The following LMAN2L variants were observed in gnomAD, a reference collection of about 807,000 sequenced individuals.
LMAN2L encodes the protein VIP36-like protein.
In LMAN2L, 30 loss-of-function variants were observed where a neutral mutation model predicts 44.3. That is an observed-to-expected ratio of 0.68 (90% CI 0.51 to 0.92). The LOEUF (loss-of-function observed/expected upper bound fraction) is 0.92. Among genes scored for constraint, LMAN2L ranks in the 40% least tolerant of loss-of-function variants. LMAN2L has a pLI of 0.00. For missense variants in LMAN2L, 429 were observed against 446.1 expected, an observed-to-expected ratio of 0.96 and a Z score of 0.35; for synonymous variants, 183 against 171.1, an observed-to-expected ratio of 1.07 and a Z score of -0.54.
At position 96,707,081 on chromosome 2, in the gene LMAN2L, C is replaced by A; in HGVS notation, c.*175G>T. On this transcript the variant is annotated 3_prime_UTR_variant, in exon 8 of 8. Coordinates refer to ENST00000264963, the MANE Select transcript of LMAN2L (RefSeq NM_030805.4). The stretch of plus-strand genomic sequence containing the variant: ...GCTTCCCAGACCAGAGTTAGATGTC[C>A]CCATGCACAACCATGGGAATGCGGG... 1 of 577,786 alleles carries A rather than the reference C, an allele frequency of 1.7e-6. No individual in the cohort carries two copies. Among genetic ancestry groups the A allele is most frequent in the East Asian group, 3.0e-5 (1 of 32,896 alleles). The allele number at this position is 577,786 out of a possible 1,614,324, so 35.8% of individuals were successfully genotyped here. A position where few individuals can be genotyped will look rare whatever the true frequency, so the allele number is the denominator to read the frequency against.
chr2:96,730,857 T>C (rs560051708), intron 4 of LMAN2L, among the ~76,000 whole-genome samples: 10 of 152,294 alleles, frequency 6.6e-5, no homozygotes, highest in African/African-American at 1.4e-4. Context: ...GTATTTTTAG[T>C]AGAGACGGGG....
chr2:96,715,930 C>T (rs1467174831), intron 4 of LMAN2L, among the ~76,000 whole-genome samples: 2 of 152,162 alleles, frequency 1.3e-5, no homozygotes, highest in Admixed American at 6.5e-5. Flanking sequence ...ACAAAGCTCA[C>T]AGGGTTCATT....
chr2:96,736,877 T>C (rs771912005), intron 2 of LMAN2L, among the ~76,000 whole-genome samples: 6 of 152,218 alleles, frequency 3.9e-5, no homozygotes, highest in Non-Finnish European at 5.9e-5. Flanking sequence ...CTCGGCACTA[T>C]GATCTAGGTT....
chr2:96,710,035 TC>T (rs1453127598), intron 6 of LMAN2L, among the ~76,000 whole-genome samples: 2 of 152,228 alleles, frequency 1.3e-5, no homozygotes, highest in African/African-American at 4.8e-5. Context: ...AGCCTATGCC[TC>T]CTATCCCCCT....
Position 96,726,769 on chromosome 2 carries a change from G to C in LMAN2L, c.507+6750C>G, listed in dbSNP as rs965491406. 3.3e-5 allele frequency among the ~76,000 whole-genome samples: 5 copies of C among 151,330 alleles called. No homozygotes were observed. The East Asian group carries it at 9.8e-4, about 30-fold the overall frequency. The stretch of plus-strand genomic sequence containing the variant: ...ACTGCACTCCAGCCTGGGTGACAGA[G>C]CAAGATTCTGTCTCAAAAAAAATAA... On this transcript the variant is annotated intron_variant, in intron 4 of 7. Coordinates refer to ENST00000264963, the MANE Select transcript of LMAN2L (RefSeq NM_030805.4).
intron 6 of LMAN2L, 24 bp from the exon 7 acceptor site, chr2:96,707,857 G>T: frequency 1.2e-6 from 2 of 1,611,576 alleles, no homozygotes; most frequent in South Asian, 2.2e-5. Context: ...GAAGAAGGAT[G>T]ACTTGTGCCA....
intron 4 of LMAN2L, among the ~76,000 whole-genome samples, chr2:96,725,224 C>G (rs1440701940): frequency 6.6e-6 from 1 of 151,898 alleles, no homozygotes. Context: ...TCCCAAAATC[C>G]CTCCCCTGTT....
intron 4 of LMAN2L, among the ~76,000 whole-genome samples, chr2:96,717,535 A>T (rs1394700481): frequency 1.7e-5 from 1 of 59,782 alleles, no homozygotes; most frequent in Admixed American, 1.2e-4. Context: ...CTGTGTCGGA[A>T]AAAAAAAAAA....
chr2:96,724,723 T>C (rs1305262413), intron 4 of LMAN2L, among the ~76,000 whole-genome samples: 1 of 152,194 alleles, frequency 6.6e-6, no homozygotes, highest in Non-Finnish European at 1.5e-5. Flanking sequence ...CTCAGCTCAC[T>C]GTAGCCTCCG....
chr2:96,737,030 G>C (rs1042189064), intron 2 of LMAN2L: 1 of 386,086 alleles, frequency 2.6e-6, no homozygotes, highest in African/African-American at 2.2e-5. Context: ...CTTAGTTTAA[G>C]AGAATTCCAG....
intron 1 of LMAN2L, among the ~76,000 whole-genome samples, chr2:96,738,876 G>C (rs1463215444): frequency 6.6e-6 from 1 of 152,018 alleles, no homozygotes; most frequent in East Asian, 1.9e-4. Context: ...GAGTAGCTGG[G>C]ACTACAGGCG....
rs1040109527 is a variant in LMAN2L, at chr2:96,711,662, G to A, written c.778C>T (p.Leu260Phe). ...AGAGTGCGCGTGGCAGTACCTGAGAGATCCCCAGTGATGGAGGAGGTGCCG... is the reference window on the plus strand; with the variant it reads ...AGAGTGCGCGTGGCAGTACCTGAGAAATCCCCAGTGATGGAGGAGGTGCCG... ...YFGTSSITGD[L>F]SDNHDVISLK... The change falls in exon 6 of 8, where the codon CTC becomes TTC. Residue 260 changes from leucine to phenylalanine, a missense_variant. Physicochemically the swap from Leu to Phe is conservative, Grantham distance 22. Transcript: ENST00000264963. The A allele has an allele frequency of 1.2e-6, 2 of 1,611,170 alleles. No homozygotes were observed. Among genetic ancestry groups the A allele is most frequent in the Non-Finnish European group, 1.7e-6 (2 of 1,177,950 alleles).
Position 96,707,163 on chromosome 2 carries a change from C to T in LMAN2L, c.*93G>A. On this transcript the variant is annotated 3_prime_UTR_variant, in exon 8 of 8. Transcript: ENST00000264963. Reference sequence around the variant, plus strand: ...ATAGTCCCCAACCAGCTGCTAGAGACAAGAACACTCTCCAGGCTGCATGCT... The same window carrying T: ...ATAGTCCCCAACCAGCTGCTAGAGATAAGAACACTCTCCAGGCTGCATGCT... The T allele has an allele frequency of 2.4e-6, 3 of 1,261,404 alleles. No homozygotes were observed. The highest frequency in any genetic ancestry group is 2.9e-5 in the South Asian group (2 of 68,180). The allele number at this position is 1,261,404 out of a possible 1,614,324, so 78.1% of individuals were successfully genotyped here.
intron 2 of LMAN2L, 70 bp downstream of exon 2, chr2:96,737,879 A>C: frequency 1.2e-6 from 1 of 858,500 alleles, no homozygotes; most frequent in Non-Finnish European, 2.0e-6. Context: ...GTAAAATTAA[A>C]TCAGTATGCC....
intron 6 of LMAN2L, among the ~76,000 whole-genome samples, chr2:96,710,804 T>C (rs1368359562): frequency 2.6e-5 from 4 of 152,196 alleles, no homozygotes; most frequent in Non-Finnish European, 5.9e-5. Flanking sequence ...TGCCTTTCTA[T>C]TTTGCCACAA....
At chr2:96,708,177 C>G (rs2077827184) in intron 6 of LMAN2L, among the ~76,000 whole-genome samples, 1 of 152,260 alleles carries the variant, frequency 6.6e-6, no homozygotes, top group Non-Finnish European at 1.5e-5. Context: ...TTTTCCCAGG[C>G]TAGCGATGTG....
chr2:96,739,661 G>C (rs1172557473), intron 1 of LMAN2L, among the ~76,000 whole-genome samples, 193 bp downstream of exon 1: 1 of 152,116 alleles, frequency 6.6e-6, no homozygotes, highest in Non-Finnish European at 1.5e-5. Flanking sequence ...GAAACTTCCA[G>C]AGCTTGGCAG....
chr2:96,728,156 T>C (rs1051575380), intron 4 of LMAN2L, among the ~76,000 whole-genome samples: 2 of 152,308 alleles, frequency 1.3e-5, no homozygotes, highest in African/African-American at 4.8e-5. Flanking sequence ...AGGAAGATAC[T>C]TTCCATACTC....
chr2:96,727,026 G>A (rs2153330705), intron 4 of LMAN2L, among the ~76,000 whole-genome samples: 1 of 152,120 alleles, frequency 6.6e-6, no homozygotes, highest in East Asian at 1.9e-4. Context: ...AGAGGTTGCA[G>A]TGAGCCAAGA....
Sources: allele counts gnomAD v4.1 joint callset (sites outside exome capture counted in the v4.1 genomes callset), GRCh38; gene constraint gnomAD v4.1.1; transcripts MANE v1.5; gene names NCBI Gene and HGNC (gene_info 2026-07-23, HGNC 2026-07-21).